Variants in KLHL22 observed in about 807,000 individuals in gnomAD.
KLHL22 encodes kelch-like protein 22.
In KLHL22, 18 loss-of-function variants were observed where a neutral mutation model predicts 60.7. The ratio of observed to expected loss-of-function variants is 0.30; its 90% CI spans 0.20 to 0.44. The LOEUF is 0.44. KLHL22 is among the 20% of genes least tolerant of loss of function. The pLI, the probability that KLHL22 is intolerant of heterozygous loss-of-function variation, is 1.00. For missense variants in KLHL22, 596 were observed against 852.3 expected (o/e 0.70, Z 3.74); for synonymous variants, 355 against 354.5 (o/e 1.00, Z -0.01).
chr22:20,457,358 G>C (rs362071), intron 5 of KLHL22, among the ~76,000 whole-genome samples: 107,055 of 151,978 alleles, frequency 0.7, 38,305 homozygotes, highest in East Asian at 1. Flanking sequence ...TCTGGAAGGC[G>C]CCACCCTTCA....
intron 2 of KLHL22, among the ~76,000 whole-genome samples, chr22:20,475,018 A>G (rs929124852): frequency 6.6e-6 from 1 of 152,200 alleles, no homozygotes; most frequent in African/African-American, 2.4e-5. Flanking sequence ...AAATCTCCTT[A>G]TATGTTAAAG....
Position 20,469,043 on chromosome 22 carries a change from G to A in KLHL22, c.393+2307C>T, listed in dbSNP as rs73879386. 5.8e-3 allele frequency among the ~76,000 whole-genome samples: 880 copies of A among 152,044 alleles called. 8 individuals carry two copies. The highest frequency in any genetic ancestry group is 0.02 in the African/African-American group (822 of 41,472). ...CTGGGGGAGATGACCCAGGGCTGTC[G>A]GGAGCACTGGCCAAACCAACAGAGA... On this transcript the variant is annotated intron_variant, in intron 3 of 6. Coordinates refer to ENST00000328879, the MANE Select transcript of KLHL22 (RefSeq NM_032775.4).
chr22:20,489,656 T>C (rs1569147830), intron 1 of KLHL22: 1 of 468,490 alleles, frequency 2.1e-6, no homozygotes, highest in Non-Finnish European at 4.4e-6. Context: ...GGTAAAACAA[T>C]GAACATGAAG....
intron 1 of KLHL22, among the ~76,000 whole-genome samples, chr22:20,493,791 A>G (rs1331312867): frequency 9.4e-5 from 14 of 148,264 alleles, no homozygotes; most frequent in South Asian, 6.6e-4. Context: ...GGCTGGGCAC[A>G]GTGGCTCATG....
chr22:20,474,157 G>A (rs991819972), intron 2 of KLHL22, among the ~76,000 whole-genome samples: 2 of 151,862 alleles, frequency 1.3e-5, no homozygotes, highest in East Asian at 2.0e-4. Context: ...CCCCCACCAC[G>A]CCCAGCTAAT....
chr22:20,458,732 A>G (rs2053107047), intron 4 of KLHL22, among the ~76,000 whole-genome samples: 1 of 151,900 alleles, frequency 6.6e-6, no homozygotes. Flanking sequence ...CACAGCACCC[A>G]TCATACCCTC....
chr22:20,443,353 C>CA (rs3071909), intron 6 of KLHL22, among the ~76,000 whole-genome samples: 68,743 of 148,472 alleles, frequency 0.46, 15,938 homozygotes, highest in Admixed American at 0.59. Flanking sequence ...TACAAGAATA[C>CA]AAAAAAAAAA....
intron 2 of KLHL22, 138 bp downstream of exon 2, chr22:20,488,847 T>C: frequency 1.3e-6 from 1 of 753,236 alleles, no homozygotes. Context: ...TCACACTTGT[T>C]GACTAAGTCA....
At chr22:20,486,490 G>A (rs1047570573) in intron 2 of KLHL22, among the ~76,000 whole-genome samples, 1 of 151,986 alleles carries the variant, frequency 6.6e-6, no homozygotes, top group African/African-American at 2.4e-5. Flanking sequence ...ACAACTGCAG[G>A]GCCCTAAACT....
In KLHL22 at chr22:20,495,081, A is replaced by T. The variant is rs534078219; in HGVS notation, c.-34+679T>A. Among the ~76,000 whole-genome samples, 3 of 152,248 alleles carry T rather than the reference A, an allele frequency of 2.0e-5. No homozygotes were observed. The highest frequency in any genetic ancestry group is 2.9e-5 in the Non-Finnish European group (2 of 68,010). ...AGAATCTCCCAGGGAGCCGTCTTGG[A>T]GGCACTCGGCCCCGCGGAGGGCCGG... On this transcript the variant is annotated intron_variant, in intron 1 of 6. Transcript: ENST00000328879. The surrounding 1 kb of genome is among the most constrained non-coding windows in gnomAD (Gnocchi z 4.6).
intron 2 of KLHL22, among the ~76,000 whole-genome samples, chr22:20,475,497 G>C (rs1231600604): frequency 6.6e-6 from 1 of 151,484 alleles, no homozygotes; most frequent in Admixed American, 6.6e-5. Flanking sequence ...TTTGGTATAA[G>C]GTATGAAGCA....
At chr22:20,451,007 A>G in intron 5 of KLHL22, 1 of 1,541,314 alleles carries the variant, frequency 6.5e-7, no homozygotes, top group Non-Finnish European at 9.0e-7. Flanking sequence ...TCTCCCATCG[A>G]TGCAGTAGAG....
At chr22:20,458,931 C>A (rs1229645545) in intron 4 of KLHL22, among the ~76,000 whole-genome samples, 1 of 152,112 alleles carries the variant, frequency 6.6e-6, no homozygotes, top group African/African-American at 2.4e-5. Flanking sequence ...ATTCCAGGGA[C>A]CCCCATGGGA....
intron 5 of KLHL22, among the ~76,000 whole-genome samples, chr22:20,447,193 T>C (rs1427663304): frequency 1.3e-5 from 2 of 152,252 alleles, no homozygotes; most frequent in Non-Finnish European, 2.9e-5. Context: ...CTGAACCTTC[T>C]GTGGGCTTTT....
At position 20,471,425 on chromosome 22, in the gene KLHL22, A is replaced by G. The variant is rs773566935; in HGVS notation, c.318T>C (p.His106=). 1 of 1,614,152 alleles carries G rather than the reference A, an allele frequency of 6.2e-7. No individual in the cohort carries two copies. The highest frequency in any genetic ancestry group is 1.1e-5 in the South Asian group (1 of 91,078). ...VSYNAMCQIL[H]FIYTSELELS... ...GCTCCAGCTCGGAGGTGTATATGAA[A>G]TGTAGGATTTGGCACATAGCATTGT... The change falls in exon 3 of 7, where the codon CAT becomes CAC. Residue 106 remains histidine, a synonymous_variant. Transcript: ENST00000328879.
chr22:20,441,662 C>G lies in KLHL22; in HGVS notation c.*411G>C, dbSNP rs2052758901. 5.1e-6 allele frequency: 1 copy of G among 195,616 alleles called. No individual in the cohort carries two copies. 12.1% of individuals were successfully genotyped at this position (195,616 alleles called of 1,614,324 possible). On this transcript the variant is annotated 3_prime_UTR_variant, in exon 7 of 7. Transcript: ENST00000328879. The stretch of plus-strand genomic sequence containing the variant: ...TGCTCCTCTGCCCCTCAGGAGCTCT[C>G]ATCCTCCAACCCCAGCTGCCCCCAC...
intron 2 of KLHL22, 128 bp from the exon 3 acceptor site, chr22:20,471,643 T>A (rs1179224959): frequency 5.2e-5 from 48 of 915,674 alleles, no homozygotes; most frequent in Non-Finnish European, 7.9e-5. Flanking sequence ...GCTGACCCAC[T>A]CTGTGCTCTG....
Position 20,457,879 on chromosome 22 carries a change from C to A in KLHL22, c.1234G>T (p.Asp412Tyr). 1.9e-6 allele frequency: 3 copies of A among 1,612,442 alleles called. No homozygotes were observed. Among genetic ancestry groups the A allele is most frequent in the Non-Finnish European group, 2.5e-6 (3 of 1,179,308 alleles). Residue 412 changes from aspartate (D) to tyrosine (Y), a missense_variant, in exon 5 of 7, where the codon GAC becomes TAC. By Grantham distance (160) the Asp-to-Tyr change is radical. Transcript: ENST00000328879. ...TCGTAGCGCTCCACAGCATTCAGGT[C>A]ATTGTGGTAGTCACGGCCCGCCACA... ...YAVAGRDYHN[D>Y]LNAVERYDPA...
At chr22:20,446,126 T>C (rs2052855623) in intron 6 of KLHL22, among the ~76,000 whole-genome samples, 1 of 152,152 alleles carries the variant, frequency 6.6e-6, no homozygotes, top group Non-Finnish European at 1.5e-5. Context: ...ATGGTGACAT[T>C]TGTCCAAACC....
Sources: allele counts gnomAD v4.1 joint callset (sites outside exome capture counted in the v4.1 genomes callset), GRCh38; gene constraint gnomAD v4.1.1; non-coding constraint Gnocchi (gnomAD v3.1); transcripts MANE v1.5; gene names NCBI Gene and HGNC (gene_info 2026-07-23, HGNC 2026-07-21).